Variants in ARHGAP5 observed in about 807,000 individuals in gnomAD.
ARHGAP5 encodes rho GTPase-activating protein 5.
A neutral mutation model predicts 116.6 loss-of-function variants in ARHGAP5; 23 were observed. The observed-to-expected ratio is 0.20, with a 90% CI of 0.14 to 0.28. The LOEUF is 0.28. Among genes scored for constraint, ARHGAP5 ranks in the 10% least tolerant of loss-of-function variants. The probability of loss-of-function intolerance (pLI) is 1.00; values close to 1 mark genes in which losing one functional copy is unlikely to be tolerated. For synonymous variants in ARHGAP5, 574 were observed against 602.0 expected (o/e 0.95, Z 0.68); for missense variants, 1,405 against 1,774.8 (o/e 0.79, Z 3.74).
chr14:32,080,234 C>A (rs1210285398), intron 1 of ARHGAP5, among the ~76,000 whole-genome samples: 1 of 151,296 alleles, frequency 6.6e-6, no homozygotes, highest in Non-Finnish European at 1.5e-5. Context: ...CTATGACAAC[C>A]CACCCTCCCA....
intron 4 of ARHGAP5, among the ~76,000 whole-genome samples, chr14:32,149,644 C>T (rs1467461372): frequency 2.6e-5 from 4 of 151,584 alleles, no homozygotes; most frequent in Admixed American, 6.6e-5. Context: ...TGGTGACGGT[C>T]GCCTGTAATC....
At position 32,093,489 on chromosome 14, in the gene ARHGAP5, G is replaced by A; in HGVS notation, c.2820G>A (p.Glu940=). Residue 940 remains glutamate (E), a synonymous_variant, in exon 2 of 7, where the codon GAG becomes GAA. Coordinates refer to ENST00000345122, the MANE Select transcript of ARHGAP5 (RefSeq NM_001030055.2). ...VFTLFFSDVL[E]KKNMIENSYL... ...CTCTGTTTTTTAGTGATGTTCTAGA[G>A]AAAAAAAATATGATAGAAAATTCTT... 1.9e-6 allele frequency: 3 copies of A among 1,611,692 alleles called. No homozygotes were observed. The highest frequency in any genetic ancestry group is 2.5e-6 in the Non-Finnish European group (3 of 1,179,310).
intron 1 of ARHGAP5, among the ~76,000 whole-genome samples, chr14:32,087,943 A>G (rs1213419018): frequency 6.6e-6 from 1 of 152,086 alleles, no homozygotes; most frequent in East Asian, 1.9e-4. Flanking sequence ...GACCAATGAA[A>G]GGGTCATGAC....
chr14:32,080,226 A>G (rs959624565), intron 1 of ARHGAP5, among the ~76,000 whole-genome samples: 2 of 151,784 alleles, frequency 1.3e-5, no homozygotes, highest in African/African-American at 2.4e-5. Flanking sequence ...GAGACTTCCT[A>G]TGACAACCCA....
At chr14:32,130,596 A>G (rs1035707743) in intron 3 of ARHGAP5, among the ~76,000 whole-genome samples, 1 of 151,876 alleles carries the variant, frequency 6.6e-6, no homozygotes, top group Non-Finnish European at 1.5e-5. Context: ...TCTGGAGTGC[A>G]GTGGCGCGAT....
At chr14:32,088,997 G>A (rs550167774) in intron 1 of ARHGAP5, among the ~76,000 whole-genome samples, 1 of 151,952 alleles carries the variant, frequency 6.6e-6, no homozygotes, top group South Asian at 2.1e-4. Flanking sequence ...CTACTTCCTT[G>A]TATTGCCACT....
intron 3 of ARHGAP5, among the ~76,000 whole-genome samples, chr14:32,125,160 A>T (rs920260168): frequency 6.6e-6 from 1 of 152,144 alleles, no homozygotes; most frequent in Non-Finnish European, 1.5e-5. Flanking sequence ...TTAAGCAGTT[A>T]TTTCTTATTT....
At chr14:32,127,897 C>T (rs1202560578) in intron 3 of ARHGAP5, among the ~76,000 whole-genome samples, 2 of 149,822 alleles carry the variant, frequency 1.3e-5, no homozygotes, top group African/African-American at 5.0e-5. Context: ...GACGGGGCGG[C>T]TGGGCAGAGG....
chr14:32,100,159 TACTC>T (rs992117731), intron 2 of ARHGAP5, among the ~76,000 whole-genome samples: 4 of 152,240 alleles, frequency 2.6e-5, no homozygotes, highest in African/African-American at 7.2e-5. Flanking sequence ...AGATTGAAAA[TACTC>T]AGGAAAGAAA....
chr14:32,134,853 A>G (rs1880702818), intron 3 of ARHGAP5, among the ~76,000 whole-genome samples: 3 of 152,166 alleles, frequency 2.0e-5, no homozygotes, highest in Admixed American at 2.0e-4. Context: ...TGCATGTCTG[A>G]TTTATATTTG....
intron 2 of ARHGAP5, among the ~76,000 whole-genome samples, chr14:32,112,054 C>T (rs575360988): frequency 8.0e-4 from 122 of 151,900 alleles, no homozygotes; most frequent in Non-Finnish European, 1.3e-3. Flanking sequence ...CCTGACATTG[C>T]GATCCGCCCG....
Position 32,092,999 on chromosome 14 carries a change from A to G in ARHGAP5, c.2330A>G (p.Asp777Gly), listed in dbSNP as rs755065497. 1 of 1,614,096 alleles carries G rather than the reference A, an allele frequency of 6.2e-7. No individual in the cohort carries two copies. Among genetic ancestry groups the G allele is most frequent in the Admixed American group, 1.7e-5 (1 of 60,020 alleles). ...GCCAATAAGGACTTATCAGAAGCTGACTTGAGAATTGTCATGTGCGCCATG... is the reference window on the plus strand; with the variant it reads ...GCCAATAAGGACTTATCAGAAGCTGGCTTGAGAATTGTCATGTGCGCCATG... ...IPANKDLSEA[D>G]LRIVMCAMCG... Residue 777 changes from aspartate to glycine, a missense_variant, in exon 2 of 7, where the codon GAC becomes GGC. By Grantham distance (94) the Asp-to-Gly change is moderately conservative. Coordinates refer to ENST00000345122, the MANE Select transcript of ARHGAP5 (RefSeq NM_001030055.2). This position sits in a 1 kb window ranked among gnomAD's most constrained non-coding sequence, Gnocchi z 4.1.
chr14:32,121,607 T>C (rs1879893189), intron 3 of ARHGAP5, among the ~76,000 whole-genome samples: 1 of 152,252 alleles, frequency 6.6e-6, no homozygotes, highest in Non-Finnish European at 1.5e-5. Context: ...GTAATAGCTT[T>C]ATTGAAATAT....
At chr14:32,142,359 T>C (rs113609266) in intron 3 of ARHGAP5, among the ~76,000 whole-genome samples, 8,791 of 152,262 alleles carry the variant, frequency 0.058, 852 homozygotes, top group African/African-American at 0.2. Flanking sequence ...ATATGGCAGC[T>C]CTGGAAATGA....
At chr14:32,096,013 T>C (rs1232373550) in intron 2 of ARHGAP5, among the ~76,000 whole-genome samples, 1 of 152,208 alleles carries the variant, frequency 6.6e-6, no homozygotes, top group Non-Finnish European at 1.5e-5. Flanking sequence ...TCAATGAAAG[T>C]TGGAATAGTA....
At chr14:32,129,063 G>A (rs1393903575) in intron 3 of ARHGAP5, among the ~76,000 whole-genome samples, 8 of 152,128 alleles carry the variant, frequency 5.3e-5, no homozygotes, top group African/African-American at 1.9e-4. Context: ...ACCTCCTGCT[G>A]CTGTGTATCT....
chr14:32,148,381 C>G lies in ARHGAP5; in HGVS notation c.3944-1521C>G, dbSNP rs1881490539. ...CACCACTGCCACTATTTTTGTGCCTCTGGCAAGTTAATCTTTCTAAATCTC... is the reference window on the plus strand; with the variant it reads ...CACCACTGCCACTATTTTTGTGCCTGTGGCAAGTTAATCTTTCTAAATCTC... On this transcript the variant is annotated intron_variant, in intron 4 of 6. Coordinates refer to ENST00000345122, the MANE Select transcript of ARHGAP5 (RefSeq NM_001030055.2). Among the ~76,000 whole-genome samples, 2 of 152,128 alleles carry G rather than the reference C, an allele frequency of 1.3e-5. 1 individual carries two copies. Among genetic ancestry groups the G allele is most frequent in the South Asian group, 4.1e-4 (2 of 4,828 alleles).
At position 32,155,003 on chromosome 14, in the gene ARHGAP5, C is replaced by T. The variant is rs1881831266; in HGVS notation, c.*55C>T. On this transcript the variant is annotated 3_prime_UTR_variant, in exon 7 of 7. Transcript: ENST00000345122. ...TGGACAAAAAGCAAATCTAGACATG[C>T]ATGTTTCAGGGTTCAGTAGTATACT... 1 of 1,475,734 alleles carries T rather than the reference C, an allele frequency of 6.8e-7. No homozygotes were observed. Among genetic ancestry groups the T allele is most frequent in the African/African-American group, 1.4e-5 (1 of 71,762 alleles). The allele number at this position is 1,475,734 out of a possible 1,614,324, so 91.4% of individuals were successfully genotyped here.
rs1881844691 is a variant in ARHGAP5 at position 32,155,283 on chromosome 14, GATT to G, written c.*336_*338del. The G allele has an allele frequency of 1.7e-5, 3 of 176,694 alleles. No individual in the cohort carries two copies. Among genetic ancestry groups the G allele is most frequent in the African/African-American group, 7.1e-5 (3 of 42,316 alleles). The allele number at this position is 176,694 out of a possible 1,614,324, so 10.9% of individuals were successfully genotyped here. On this transcript the variant is annotated 3_prime_UTR_variant, in exon 7 of 7. Transcript: ENST00000345122. ...TAAAATTTTTCTATAGAAATTAAAT[GATT>G]TAAAAACTCACCTATATGAAACATT...
Sources: allele counts gnomAD v4.1 joint callset (sites outside exome capture counted in the v4.1 genomes callset), GRCh38; gene constraint gnomAD v4.1.1; non-coding constraint Gnocchi (gnomAD v3.1); transcripts MANE v1.5; gene names NCBI Gene and HGNC (gene_info 2026-07-23, HGNC 2026-07-21).